Variants in DEK observed in about 807,000 individuals in gnomAD.
The protein encoded by DEK is protein DEK.
DEK carries 28 observed loss-of-function variants against 46.8 expected under a neutral mutation model. The ratio of observed to expected loss-of-function variants is 0.60; its 90% CI spans 0.44 to 0.82. The LOEUF is 0.82. Ranked by LOEUF, DEK falls within the 40% of genes least tolerant of loss-of-function variation. The probability of loss-of-function intolerance (pLI) is 0.00; values close to 1 mark genes in which losing one functional copy is unlikely to be tolerated. For synonymous variants in DEK, 160 were observed against 144.5 expected (o/e 1.11, Z -0.77); for missense variants, 416 against 430.6 (o/e 0.97, Z 0.30).
intron 9 of DEK, among the ~76,000 whole-genome samples, chr6:18,227,143 C>A (rs982778044): frequency 2.6e-5 from 4 of 152,026 alleles, no homozygotes; most frequent in Non-Finnish European, 4.4e-5. Flanking sequence ...TGACCGTCCC[C>A]CAGCCCGACA....
At chr6:18,247,818 A>C (rs1791191236) in intron 7 of DEK, among the ~76,000 whole-genome samples, 1 of 151,956 alleles carries the variant, frequency 6.6e-6, no homozygotes, top group African/African-American at 2.4e-5. Flanking sequence ...GATTATCGGC[A>C]TGCACCACCA....
intron 7 of DEK, 62 bp from the exon 8 acceptor site, chr6:18,237,578 C>T: frequency 6.6e-7 from 1 of 1,519,396 alleles, no homozygotes. Flanking sequence ...CCATCCCATC[C>T]CTCTACTTCC....
intron 7 of DEK, among the ~76,000 whole-genome samples, chr6:18,241,078 A>T (rs1790872950): frequency 1.3e-5 from 2 of 152,238 alleles, no homozygotes. Context: ...TGAGTTAAGA[A>T]ATCATGAAAG....
intron 7 of DEK, among the ~76,000 whole-genome samples, chr6:18,245,537 T>TA: frequency 6.6e-6 from 1 of 152,174 alleles, no homozygotes; most frequent in Admixed American, 6.5e-5. Flanking sequence ...GTATGCGCTA[T>TA]AAAAACACTA....
At chr6:18,226,779 AAG>A (rs1181228852) in intron 9 of DEK, among the ~76,000 whole-genome samples, 6 of 152,154 alleles carry the variant, frequency 3.9e-5, no homozygotes, top group Admixed American at 2.0e-4. Context: ...GGGGAAAAGA[AAG>A]AGAGATCAGA....
intron 7 of DEK, among the ~76,000 whole-genome samples, chr6:18,248,405 T>C (rs943303737): frequency 6.6e-6 from 1 of 152,224 alleles, no homozygotes; most frequent in African/African-American, 2.4e-5. Flanking sequence ...TGAATGAAGA[T>C]ACTATCAGTT....
At chr6:18,255,986 CT>C in intron 5 of DEK, 135 bp from the exon 6 acceptor site, 3 of 952,570 alleles carry the variant, frequency 3.1e-6, no homozygotes, top group East Asian at 3.0e-5. Flanking sequence ...TTCTATGAAT[CT>C]TTTTTCTTTT....
At chr6:18,236,340 A>T (rs1459777052) in intron 9 of DEK, 112 bp downstream of exon 9, 2 of 1,199,724 alleles carry the variant, frequency 1.7e-6, no homozygotes, top group South Asian at 2.9e-5. Context: ...TAGTAGTTCA[A>T]TAAATCTTTC....
At chr6:18,228,176 G>C (rs759095623) in intron 9 of DEK, among the ~76,000 whole-genome samples, 5 of 152,068 alleles carry the variant, frequency 3.3e-5, no homozygotes, top group African/African-American at 4.8e-5. Flanking sequence ...TTGCCAGTCA[G>C]TTTCTACTCT....
intron 2 of DEK, among the ~76,000 whole-genome samples, chr6:18,259,430 A>AAAAAAAAAAAAAAAAATAAAT (rs1554162685): frequency 2.1e-5 from 2 of 96,742 alleles, no homozygotes; most frequent in Non-Finnish European, 4.7e-5. Context: ...AAAAAAAAAA[A>AAAAAAAAAAAAAAAAATAAAT]AAATCTAGAA....
intron 8 of DEK, chr6:18,237,165 C>A (rs1169500866): frequency 5.5e-6 from 2 of 364,820 alleles, no homozygotes; most frequent in East Asian, 4.7e-5. Context: ...CCCAAGATAT[C>A]TCTCTCTCTG....
rs915038297 is a variant in DEK, at chr6:18,255,868, A to G, written c.453-17T>C. On this transcript the variant is annotated splice_polypyrimidine_tract_variant and intron_variant, in intron 5 of 10. Transcript: ENST00000652689. ...TTTCTAAATCTGAAACAGAAAATGG[A>G]AGAAACCAAGGTGTTAATATAGGAA... 6.3e-7 allele frequency: 1 copy of G among 1,592,656 alleles called. No individual in the cohort carries two copies. Among genetic ancestry groups the G allele is most frequent in the Non-Finnish European group, 8.5e-7 (1 of 1,175,276 alleles).
At chr6:18,239,336 G>C (rs1338055474) in intron 7 of DEK, among the ~76,000 whole-genome samples, 1 of 90,790 alleles carries the variant, frequency 1.1e-5, no homozygotes, top group Admixed American at 1.2e-4. Flanking sequence ...GGATTTTAGT[G>C]TCTTTTTTTT....
intron 6 of DEK, 21 bp from the exon 7 acceptor site, chr6:18,249,860 A>G (rs1371036939): frequency 1.9e-6 from 3 of 1,582,446 alleles, no homozygotes; most frequent in East Asian, 2.2e-5. Context: ...ATTTATAAAG[A>G]TAACACCAAT....
chr6:18,233,155 A>C (rs1582258541), intron 9 of DEK, among the ~76,000 whole-genome samples: 1 of 152,240 alleles, frequency 6.6e-6, no homozygotes, highest in African/African-American at 2.4e-5. Flanking sequence ...CATATGTAGA[A>C]AGCTGAAACT....
At chr6:18,226,312 A>AAC in intron 9 of DEK, 70 bp from the exon 10 acceptor site, 1 of 1,231,176 alleles carries the variant, frequency 8.1e-7, no homozygotes, top group East Asian at 3.3e-5. Flanking sequence ...GTCTTTGAAT[A>AAC]AAAGCAGGAA....
chr6:18,226,010 C>A, intron 10 of DEK, 164 bp downstream of exon 10: 1 of 791,324 alleles, frequency 1.3e-6, no homozygotes, highest in Non-Finnish European at 1.9e-6. Flanking sequence ...TAATTTTAAG[C>A]TTTAAAGTGG....
Position 18,224,487 on chromosome 6 carries a change from T to C in DEK, c.*1232A>G, listed in dbSNP as rs111415771. On this transcript the variant is annotated 3_prime_UTR_variant, in exon 11 of 11. Transcript: ENST00000652689. ...AATAAACTGATTTAAGACAGTAAAT[T>C]TGAAAGACAAAATTAAGTCTCATTC... 802 of 200,702 alleles carry C rather than the reference T, an allele frequency of 4.0e-3. 2 individuals are homozygous for C. Among genetic ancestry groups the C allele is most frequent in the Non-Finnish European group, 5.8e-3 (566 of 97,336 alleles). 12.4% of individuals were successfully genotyped at this position (200,702 alleles called of 1,614,324 possible).
chr6:18,261,553 G>T (rs373584359), intron 2 of DEK, among the ~76,000 whole-genome samples: 176 of 152,236 alleles, frequency 1.2e-3, no homozygotes, highest in African/African-American at 4.1e-3. Context: ...CCTGGGCAAC[G>T]AGAGCGAAAC....
Sources: gnomAD v4.1 joint callset for allele counts (sites outside exome capture counted in the v4.1 genomes callset) on GRCh38, gnomAD v4.1.1 for gene constraint, MANE v1.5 for transcripts, NCBI Gene and HGNC (gene_info 2026-07-23, HGNC 2026-07-21) for gene names.